The following NUCB2 variants were observed in gnomAD, a reference collection of about 807,000 sequenced individuals.
NUCB2 encodes the protein nucleobindin 2.
Under a neutral mutation model 57.9 loss-of-function variants are expected in NUCB2, and 48 were observed. That is an observed-to-expected ratio of 0.83 (90% CI 0.66 to 1.05). The LOEUF is 1.05. NUCB2 is among the 50% of genes least tolerant of loss of function. NUCB2 has a pLI of 0.00. For synonymous variants in NUCB2, 139 were observed against 152.1 expected, an observed-to-expected ratio of 0.91 and a Z score of 0.64; for missense variants, 442 against 476.2, an observed-to-expected ratio of 0.93 and a Z score of 0.67.
At chr11:17,298,734 T>C (rs1408390262) in intron 4 of NUCB2, among the ~76,000 whole-genome samples, 1 of 151,856 alleles carries the variant, frequency 6.6e-6, no homozygotes, top group East Asian at 1.9e-4. Context: ...GGTCTCACTC[T>C]GTCACCCAGG....
intron 1 of NUCB2, among the ~76,000 whole-genome samples, chr11:17,278,827 G>C (rs1941925733): frequency 6.6e-6 from 1 of 152,124 alleles, no homozygotes; most frequent in Admixed American, 6.6e-5. Context: ...TTGAAGGCTG[G>C]GTTCTACAAA....
intron 4 of NUCB2, 35 bp from the exon 5 acceptor site, chr11:17,301,709 A>G (rs1171633650): frequency 6.5e-7 from 1 of 1,546,584 alleles, no homozygotes; most frequent in East Asian, 2.2e-5. Context: ...AATGGAATGT[A>G]ATAGATAAAA....
downstream of NUCB2, chr11:17,333,899 G>A (rs1951603826): frequency 6.6e-6 from 1 of 152,204 alleles, no homozygotes; most frequent in Non-Finnish European, 1.5e-5. Flanking sequence ...CTGCAGACTT[G>A]TTAATCTTAG....
At chr11:17,290,621 G>A (rs906370667) in intron 2 of NUCB2, among the ~76,000 whole-genome samples, 1 of 151,936 alleles carries the variant, frequency 6.6e-6, no homozygotes, top group East Asian at 1.9e-4. Context: ...TTACTGTAAA[G>A]CTAGAAAATC....
rs889163031 is a variant in NUCB2, at chr11:17,285,273, CA to C, written c.-1+2337del. ...AAACCCCGTCTCTACTAAAAACATA[CA>C]AAAAAATTAGCCGGGCGTGGCTGGG... On this transcript the variant is annotated intron_variant, in intron 2 of 13. Coordinates refer to ENST00000529010, the MANE Select transcript of NUCB2 (RefSeq NM_005013.4). Among the ~76,000 whole-genome samples, 294 of 150,386 alleles carry C rather than the reference CA, an allele frequency of 2.0e-3. 1 individual carries two copies. The highest frequency in any genetic ancestry group is 0.01 in the Middle Eastern group (3 of 292).
At chr11:17,304,174 T>A (rs1255791451) in intron 5 of NUCB2, among the ~76,000 whole-genome samples, 2 of 151,978 alleles carry the variant, frequency 1.3e-5, no homozygotes, top group African/African-American at 2.4e-5. Context: ...TATTTATTTT[T>A]AATTTTTAAA....
chr11:17,338,547 A>G, intron 2 of NUCB2, among the ~76,000 whole-genome samples: 1 of 152,336 alleles, frequency 6.6e-6, no homozygotes, highest in East Asian at 1.9e-4. Flanking sequence ...ATAATTAGTA[A>G]TAAATATATT....
chr11:17,282,104 T>G (rs1376391655), intron 1 of NUCB2, among the ~76,000 whole-genome samples: 1 of 151,500 alleles, frequency 6.6e-6, no homozygotes, highest in Non-Finnish European at 1.5e-5. Context: ...GAAGTCTCAT[T>G]GCTGAAAAAA....
intron 2 of NUCB2, among the ~76,000 whole-genome samples, chr11:17,289,706 G>C (rs866821600): frequency 1.2e-4 from 19 of 152,164 alleles, no homozygotes; most frequent in Admixed American, 8.5e-4. Context: ...ACTTTTGGCT[G>C]TAGGCATTTA....
downstream of NUCB2, chr11:17,334,116 G>A (rs1300404543): frequency 2.6e-5 from 4 of 152,186 alleles, no homozygotes; most frequent in Non-Finnish European, 4.4e-5. Flanking sequence ...GACTTGCTGT[G>A]CTTTACTTCT....
At chr11:17,321,685 C>T (rs1295433387) in intron 11 of NUCB2, among the ~76,000 whole-genome samples, 1 of 152,076 alleles carries the variant, frequency 6.6e-6, no homozygotes, top group East Asian at 1.9e-4. Flanking sequence ...CACTGTTCTC[C>T]ATAGTGGTTG....
intron 2 of NUCB2, among the ~76,000 whole-genome samples, chr11:17,340,700 T>C (rs1952188037): frequency 6.6e-6 from 1 of 152,208 alleles, no homozygotes; most frequent in Non-Finnish European, 1.5e-5. Context: ...TTCTTTTCCA[T>C]TGGTCTATAT....
chr11:17,295,222 A>G, intron 2 of NUCB2, 102 bp from the exon 3 acceptor site: 1 of 1,064,444 alleles, frequency 9.4e-7, no homozygotes. Flanking sequence ...GTTTTATTAA[A>G]CCTCTTGAGA....
intron 5 of NUCB2, among the ~76,000 whole-genome samples, 196 bp downstream of exon 5, chr11:17,302,066 A>C (rs1946842305): frequency 6.6e-6 from 1 of 151,780 alleles, no homozygotes; most frequent in Non-Finnish European, 1.5e-5. Flanking sequence ...TGCCTGGCTA[A>C]TTTTTTTTGT....
chr11:17,315,505 T>G (rs1038384206), intron 11 of NUCB2, 30 bp downstream of exon 11: 14 of 1,319,536 alleles, frequency 1.1e-5, no homozygotes, highest in Non-Finnish European at 1.5e-5. Context: ...ATGAGATGTA[T>G]GGTTCAACAA....
At chr11:17,306,545 C>T (rs1396055521) in intron 5 of NUCB2, among the ~76,000 whole-genome samples, 1 of 152,088 alleles carries the variant, frequency 6.6e-6, no homozygotes, top group African/African-American at 2.4e-5. Flanking sequence ...GATTTCTCTC[C>T]CTGGGACAAC....
In NUCB2 at chr11:17,348,319, GTTTTTTTTTTTTTT is replaced by G. The variant is rs55741571; in HGVS notation, n.2627-1007_2627-994del. Among the ~76,000 whole-genome samples the G allele has an allele frequency of 3.0e-3, 257 of 84,454 alleles. 1 individual carries two copies. Among genetic ancestry groups the G allele is most frequent in the African/African-American group, 0.012 (245 of 20,052 alleles). 55.4% of individuals were successfully genotyped at this position (84,454 alleles called of 152,430 possible). On this transcript the variant is annotated intron_variant and non_coding_transcript_variant, in intron 2 of 2. Transcript: ENST00000532240. ...TGAGGTGTTTTTTGTTTGTTTTTGT[GTTTTTTTTTTTTTT>G]TTTTTTTTTTTTTTTTTTGGAGACA...
At chr11:17,288,546 C>CTTTTTTTTTT (rs1409100990) in intron 2 of NUCB2, among the ~76,000 whole-genome samples, 1 of 81,662 alleles carries the variant, frequency 1.2e-5, no homozygotes, top group East Asian at 7.0e-4. Flanking sequence ...TCTTCTTCTT[C>CTTTTTTTTTT]TTCTTCTTTT....
At chr11:17,282,690 A>G (rs893861170) in intron 1 of NUCB2, 99 bp from the exon 2 acceptor site, 1 of 152,232 alleles carries the variant, frequency 6.6e-6, no homozygotes, top group African/African-American at 2.4e-5. Flanking sequence ...ATTATGTGAC[A>G]AATGCATACA....
Sources: allele counts gnomAD v4.1 joint callset (sites outside exome capture counted in the v4.1 genomes callset), GRCh38; gene constraint gnomAD v4.1.1; transcripts MANE v1.5; gene names NCBI Gene and HGNC (gene_info 2026-07-23, HGNC 2026-07-21).